The following OTUD7A variants were observed in gnomAD, a reference collection of about 807,000 sequenced individuals.
OTUD7A encodes the protein OTU deubiquitinase 7A.
Under a neutral mutation model 65.7 loss-of-function variants are expected in OTUD7A, and 12 were observed. That is an observed-to-expected ratio of 0.18 (90% confidence interval 0.12 to 0.30). The LOEUF is 0.30. Ranked by LOEUF, OTUD7A falls within the 10% of genes least tolerant of loss-of-function variation. OTUD7A has a pLI of 1.00. For missense variants in OTUD7A, 1,148 were observed against 1,304.8 expected (o/e 0.88, Z 1.85); for synonymous variants, 641 against 586.3 (o/e 1.09, Z -1.35).
At chr15:31,521,841 AC>A (rs1236540406) in intron 8 of OTUD7A, among the ~76,000 whole-genome samples, 1 of 152,190 alleles carries the variant, frequency 6.6e-6, no homozygotes, top group Non-Finnish European at 1.5e-5. Context: ...GGTCCCCCAA[AC>A]GGTCCCTCTT....
chr15:31,602,572 C>T (rs950929504), intron 3 of OTUD7A, among the ~76,000 whole-genome samples: 14 of 152,168 alleles, frequency 9.2e-5, no homozygotes, highest in African/African-American at 3.4e-4. Context: ...TTCACCATTC[C>T]TATTCAACAT....
intron 6 of OTUD7A, among the ~76,000 whole-genome samples, chr15:31,528,026 C>T (rs1050730129): frequency 3.6e-4 from 55 of 152,358 alleles, no homozygotes; most frequent in African/African-American, 1.2e-3. Flanking sequence ...TCCATCCATC[C>T]GTCCATCCAG....
At chr15:31,809,008 A>G (rs1448883076) in intron 1 of OTUD7A, among the ~76,000 whole-genome samples, 1 of 152,182 alleles carries the variant, frequency 6.6e-6, no homozygotes, top group Non-Finnish European at 1.5e-5. Context: ...AATCACTGAG[A>G]AGCCAAGGGA....
At position 31,623,547 on chromosome 15, in the gene OTUD7A, C is replaced by T. The variant is rs1376467935; in HGVS notation, c.151+31549G>A. 2.6e-5 allele frequency among the ~76,000 whole-genome samples: 4 copies of T among 152,224 alleles called. No individual in the cohort carries two copies. In the East Asian group the frequency reaches 5.8e-4, roughly 22 times the overall value. On this transcript the variant is annotated intron_variant, in intron 3 of 12. Coordinates refer to ENST00000307050, the MANE Select transcript of OTUD7A (RefSeq NM_001382637.1). ...CTAGCAATGAGCGAGGCTCCGTGGG[C>T]GTGGGACCCTCCGAGCCAGGCGTGG...
chr15:31,578,661 C>G (rs1219254112), intron 3 of OTUD7A, among the ~76,000 whole-genome samples: 1 of 152,118 alleles, frequency 6.6e-6, no homozygotes, highest in Non-Finnish European at 1.5e-5. Flanking sequence ...AAGCAATTCT[C>G]CTGCTTCAGC....
chr15:31,723,800 G>A (rs1057156296), intron 1 of OTUD7A, among the ~76,000 whole-genome samples: 1 of 58,102 alleles, frequency 1.7e-5, no homozygotes, highest in Non-Finnish European at 3.4e-5. Context: ...TCCTGCAAGT[G>A]GAGTTGCTGG....
chr15:31,530,703 T>A lies in OTUD7A; in HGVS notation c.652+4A>T, dbSNP rs767412731. On this transcript the variant is annotated splice_donor_region_variant and intron_variant, in intron 6 of 12. Coordinates refer to ENST00000307050, the MANE Select transcript of OTUD7A (RefSeq NM_001382637.1). Reference sequence around the variant, plus strand: ...CCACCCTCTGTCTGTGCTGTGGAGCTTACCCAGTGAAGCAGCATGTAAAAG... The same window carrying A: ...CCACCCTCTGTCTGTGCTGTGGAGCATACCCAGTGAAGCAGCATGTAAAAG... The A allele has an allele frequency of 6.2e-7, 1 of 1,613,818 alleles. No homozygotes were observed. The highest frequency in any genetic ancestry group is 1.7e-5 in the Admixed American group (1 of 59,992).
At position 31,670,128 on chromosome 15, in the gene OTUD7A, GTCCA is replaced by G. The variant is rs370318725; in HGVS notation, c.-99-13055_-99-13052del. On this transcript the variant is annotated intron_variant, in intron 1 of 12. Transcript: ENST00000307050. Reference sequence around the variant, plus strand: ...GATGCAAGCCTCGGAATGCTGCTGTGTCCATCTGAGTCAGAGCCATGAAGATCCC... The same window carrying G: ...GATGCAAGCCTCGGAATGCTGCTGTGTCTGAGTCAGAGCCATGAAGATCCC... Among the ~76,000 whole-genome samples, 43 of 148,992 alleles carry G rather than the reference GTCCA, an allele frequency of 2.9e-4. No individual in the cohort carries two copies. The South Asian group carries it at 8.6e-3, about 30-fold the overall frequency.
intron 1 of OTUD7A, among the ~76,000 whole-genome samples, chr15:31,844,080 A>G (rs12050862): frequency 6.6e-6 from 1 of 152,352 alleles, no homozygotes; most frequent in East Asian, 1.9e-4. Context: ...TTTGAAAATC[A>G]GGGGGAAAGA....
intron 1 of OTUD7A, among the ~76,000 whole-genome samples, chr15:31,865,632 T>C (rs1319360928): frequency 6.6e-6 from 1 of 152,168 alleles, no homozygotes; most frequent in African/African-American, 2.4e-5. Flanking sequence ...ACTGGGGTCT[T>C]CTCAGAGGTA....
At chr15:31,554,981 C>G (rs954277540) in intron 5 of OTUD7A, among the ~76,000 whole-genome samples, 3 of 152,140 alleles carry the variant, frequency 2.0e-5, no homozygotes, top group African/African-American at 7.2e-5. Context: ...GGTTTGAAGA[C>G]TTGGGGAAGA....
chr15:31,519,069 G>C (rs1272685176), intron 8 of OTUD7A, among the ~76,000 whole-genome samples: 1 of 152,208 alleles, frequency 6.6e-6, no homozygotes, highest in Non-Finnish European at 1.5e-5. Context: ...GCTGAGGTCA[G>C]TCATGTGACA....
chr15:31,479,661 T>TGGGG lies in OTUD7A; in HGVS notation c.*3629_*3632dup, dbSNP rs56753483. Reference sequence around the variant, plus strand: ...GCAAAATAAGTTTGTGGACACTAAGTGGGGGGGGGGGGTGATGGGCCCATG... The same window carrying TGGGG: ...GCAAAATAAGTTTGTGGACACTAAGTGGGGGGGGGGGGGGGGTGATGGGCCCATG... On this transcript the variant is annotated 3_prime_UTR_variant, in exon 13 of 13. Transcript: ENST00000307050. The TGGGG allele has an allele frequency of 1.7e-3, 120 of 71,428 alleles. No individual in the cohort carries two copies. The highest frequency in any genetic ancestry group is 2.4e-3 in the African/African-American group (49 of 20,786). The allele number at this position is 71,428 out of a possible 1,614,324, so 4.4% of individuals were successfully genotyped here. A position where few individuals can be genotyped will look rare whatever the true frequency, so the allele number is the denominator to read the frequency against.
chr15:31,624,279 T>C (rs1890886048), intron 3 of OTUD7A, among the ~76,000 whole-genome samples: 1 of 152,210 alleles, frequency 6.6e-6, no homozygotes, highest in Non-Finnish European at 1.5e-5. Flanking sequence ...AGAGGCCTGA[T>C]TATAATCAGC....
chr15:31,762,853 A>G (rs1365823871), intron 1 of OTUD7A, among the ~76,000 whole-genome samples: 4 of 152,238 alleles, frequency 2.6e-5, no homozygotes, highest in Non-Finnish European at 5.9e-5. Flanking sequence ...CTTGGTACAC[A>G]AATGACCAGG....
intron 1 of OTUD7A, among the ~76,000 whole-genome samples, chr15:31,832,842 CAT>C (rs1262362086): frequency 6.6e-6 from 1 of 152,202 alleles, no homozygotes; most frequent in African/African-American, 2.4e-5. Context: ...CTTATCCATT[CAT>C]AGATTGAGGG....
chr15:31,805,548 T>A lies in OTUD7A; in HGVS notation c.-100+64959A>T, dbSNP rs575674028. On this transcript the variant is annotated intron_variant, in intron 1 of 12. Coordinates refer to ENST00000307050, the MANE Select transcript of OTUD7A (RefSeq NM_001382637.1). ...CACATCACCACTAAAGGGAGGCCTG[T>A]GATTTATCAAAATGTGTCTGTCTTT... is the stretch of plus-strand genomic sequence containing the variant. Among the ~76,000 whole-genome samples the A allele has an allele frequency of 5.3e-5, 8 of 152,362 alleles. 1 individual carries two copies. The South Asian group carries it at 1.4e-3, about 28-fold the overall frequency.
In OTUD7A at chr15:31,479,853, T is replaced by G. The variant is rs145127679; in HGVS notation, c.*3441A>C. 45 of 152,252 alleles carry G rather than the reference T, an allele frequency of 3.0e-4. No individual in the cohort carries two copies. The highest frequency in any genetic ancestry group is 1.1e-3 in the African/African-American group (45 of 41,536). 9.4% of individuals were successfully genotyped at this position (152,252 alleles called of 1,614,324 possible). On this transcript the variant is annotated 3_prime_UTR_variant, in exon 13 of 13. Transcript: ENST00000307050. ...TTTGGGAAAACATTCGATTTGTAAA[T>G]AGATTCAAATGCCACTGGGTGGTAA... is the stretch of plus-strand genomic sequence containing the variant.
In OTUD7A at chr15:31,657,003, T is replaced by A. The variant is rs1171639271; in HGVS notation, c.-25A>T. 6.5e-6 allele frequency: 1 copy of A among 152,688 alleles called. No individual in the cohort carries two copies. The highest frequency in any genetic ancestry group is 1.5e-5 in the Non-Finnish European group (1 of 68,054). 9.5% of individuals were successfully genotyped at this position (152,688 alleles called of 1,614,324 possible). On this transcript the variant is annotated 5_prime_UTR_variant, in exon 2 of 13. The change abolishes the stop of an existing upstream ORF in the 5' untranslated region. Coordinates refer to ENST00000307050, the MANE Select transcript of OTUD7A (RefSeq NM_001382637.1). ...TTGACCTGATGTATATGGTACCAAT[T>A]AGGAAATTGATTTCTTCCTTCTCTC...
Sources: allele counts gnomAD v4.1 joint callset (sites outside exome capture counted in the v4.1 genomes callset), GRCh38; gene constraint gnomAD v4.1.1; transcripts MANE v1.5; gene names NCBI Gene and HGNC (gene_info 2026-07-23, HGNC 2026-07-21).